Variants in HSD17B12 observed in about 807,000 individuals in gnomAD.
The protein encoded by HSD17B12 is hydroxysteroid 17-beta dehydrogenase 12, also known as very-long-chain 3-oxoacyl-CoA reductase.
HSD17B12 carries 32 observed loss-of-function variants against 39.3 expected under a neutral mutation model. The observed-to-expected ratio is 0.81, with a 90% CI of 0.61 to 1.09. HSD17B12 has a LOEUF of 1.09. HSD17B12 is among the 50% of genes least tolerant of loss of function. The pLI, the probability that HSD17B12 is intolerant of heterozygous loss-of-function variation, is 0.00. For synonymous variants in HSD17B12, 150 were observed against 146.7 expected (o/e 1.02, Z -0.16); for missense variants, 342 against 382.9 (o/e 0.89, Z 0.89).
the HSD17B12 span, among the ~76,000 whole-genome samples, chr11:43,667,588 A>T: frequency 6.6e-6 from 1 of 152,158 alleles, no homozygotes; most frequent in Non-Finnish European, 1.5e-5. Flanking sequence ...AGTGTTGCAT[A>T]TTTTGGAATA....
chr11:43,653,380 G>A, the HSD17B12 span, among the ~76,000 whole-genome samples: 148,127 of 152,200 alleles, frequency 0.97, 72,214 homozygotes, highest in Middle Eastern at 1. Flanking sequence ...TTGAGGTCTT[G>A]GTTGACGCAA....
At chr11:43,584,931 T>G in the HSD17B12 span, among the ~76,000 whole-genome samples, 2 of 152,326 alleles carry the variant, frequency 1.3e-5, no homozygotes, top group South Asian at 4.1e-4. Context: ...AAGCAGGACT[T>G]GGGCCTGTGT....
the HSD17B12 span, among the ~76,000 whole-genome samples, chr11:43,658,669 G>A: frequency 2.0e-5 from 3 of 152,218 alleles, no homozygotes; most frequent in Non-Finnish European, 4.4e-5. Context: ...CCCAGACCCT[G>A]TTTTCCTGGG....
At chr11:43,840,687 T>C (rs148471706) in intron 9 of HSD17B12, among the ~76,000 whole-genome samples, 41 of 152,344 alleles carry the variant, frequency 2.7e-4, no homozygotes, top group Non-Finnish European at 5.7e-4. Context: ...TCATCCATGT[T>C]GAAGTATGTG....
At chr11:43,663,015 A>G in the HSD17B12 span, among the ~76,000 whole-genome samples, 1,362 of 152,338 alleles carry the variant, frequency 8.9e-3, 23 homozygotes, top group African/African-American at 0.031. Flanking sequence ...TCTAAACAGG[A>G]CAAAGGACTA....
chr11:43,806,278 A>G (rs1209676187), intron 4 of HSD17B12: 1 of 152,168 alleles, frequency 6.6e-6, no homozygotes, highest in African/African-American at 2.4e-5. Context: ...CCCTCTAGTC[A>G]CAGAGTTGGT....
the HSD17B12 span, among the ~76,000 whole-genome samples, chr11:43,582,466 G>C: frequency 1.3e-5 from 2 of 152,208 alleles, no homozygotes; most frequent in East Asian, 3.9e-4. Context: ...TCGCCTGCTA[G>C]GAACACTGCT....
chr11:43,614,376 T>A, the HSD17B12 span, among the ~76,000 whole-genome samples: 1 of 152,230 alleles, frequency 6.6e-6, no homozygotes, highest in African/African-American at 2.4e-5. Context: ...TCATCAATAA[T>A]TACATTTTTG....
At chr11:43,745,818 G>A (rs1950407061) in intron 1 of HSD17B12, among the ~76,000 whole-genome samples, 1 of 151,980 alleles carries the variant, frequency 6.6e-6, no homozygotes, top group Non-Finnish European at 1.5e-5. Flanking sequence ...ATTGCTTGAG[G>A]TTATGAGTTC....
chr11:43,824,838 A>G (rs1017693096), intron 6 of HSD17B12, among the ~76,000 whole-genome samples: 14 of 152,172 alleles, frequency 9.2e-5, no homozygotes, highest in African/African-American at 3.4e-4. Flanking sequence ...TCTACCAAAA[A>G]TACAAAAATT....
chr11:43,602,580 A>G, the HSD17B12 span, among the ~76,000 whole-genome samples: 27 of 152,320 alleles, frequency 1.8e-4, no homozygotes, highest in Admixed American at 5.9e-4. Context: ...CTCCTGCCAC[A>G]TAACAGCACT....
At chr11:43,647,582 C>T in the HSD17B12 span, among the ~76,000 whole-genome samples, 1 of 151,482 alleles carries the variant, frequency 6.6e-6, no homozygotes, top group Admixed American at 6.6e-5. Context: ...CTAAGCAGTT[C>T]TTATTAATGC....
At chr11:43,610,770 A>G in the HSD17B12 span, among the ~76,000 whole-genome samples, 1 of 152,194 alleles carries the variant, frequency 6.6e-6, no homozygotes. Context: ...TGGCATTTTT[A>G]AAAAATCATT....
At chr11:43,557,328 G>C in the HSD17B12 span, among the ~76,000 whole-genome samples, 1 of 152,176 alleles carries the variant, frequency 6.6e-6, no homozygotes, top group African/African-American at 2.4e-5. Context: ...CATTCACTGA[G>C]TGTCTTAATT....
the HSD17B12 span, chr11:43,645,517 C>A: frequency 6.6e-6 from 1 of 152,122 alleles, no homozygotes; most frequent in South Asian, 2.1e-4. Flanking sequence ...GGGGCCACCA[C>A]GTGACAGAAA....
chr11:43,615,336 G>A, the HSD17B12 span, among the ~76,000 whole-genome samples: 1 of 152,288 alleles, frequency 6.6e-6, no homozygotes, highest in East Asian at 1.9e-4. Flanking sequence ...GAACCTCACA[G>A]TTTCTTAGTA....
chr11:43,823,884 G>A (rs1355094618), intron 6 of HSD17B12, among the ~76,000 whole-genome samples: 1 of 152,186 alleles, frequency 6.6e-6, no homozygotes. Flanking sequence ...TTATACTGAA[G>A]TAAATTGTGA....
At chr11:43,846,657 T>C (rs1025374953) in intron 9 of HSD17B12, among the ~76,000 whole-genome samples, 4 of 152,254 alleles carry the variant, frequency 2.6e-5, no homozygotes, top group African/African-American at 7.2e-5. Context: ...AGAACAAGAC[T>C]TTGTCTCAAA....
intron 1 of HSD17B12, among the ~76,000 whole-genome samples, chr11:43,736,058 A>G (rs1950313584): frequency 6.6e-6 from 1 of 152,236 alleles, no homozygotes; most frequent in South Asian, 2.1e-4. Flanking sequence ...TGAGGCATAA[A>G]GATTGATAGC....
Sources: gnomAD v4.1 joint callset for allele counts (sites outside exome capture counted in the v4.1 genomes callset) on GRCh38, gnomAD v4.1.1 for gene constraint, MANE v1.5 for transcripts, NCBI Gene and HGNC (gene_info 2026-07-23, HGNC 2026-07-21) for gene names.